ATG2B: variants seen among roughly 807,000 people sequenced by gnomAD.
ATG2B encodes autophagy related 2B.
In ATG2B, 121 loss-of-function variants were observed where a neutral mutation model predicts 241.3. The observed-to-expected ratio is 0.50, with a 90% CI of 0.43 to 0.58. The LOEUF (loss-of-function observed/expected upper bound fraction) is 0.58. Ranked by LOEUF, ATG2B falls within the 20% of genes least tolerant of loss-of-function variation. The probability of loss-of-function intolerance (pLI) is 0.00; values close to 1 mark genes in which losing one functional copy is unlikely to be tolerated. For synonymous variants in ATG2B, 858 were observed against 876.6 expected, an observed-to-expected ratio of 0.98 and a Z score of 0.37; for missense variants, 2,306 against 2,491.6, an observed-to-expected ratio of 0.93 and a Z score of 1.59.
At chr14:96,314,902 G>A (rs1887264758) in intron 23 of ATG2B, among the ~76,000 whole-genome samples, 2 of 152,192 alleles carry the variant, frequency 1.3e-5, no homozygotes, top group African/African-American at 4.8e-5. Flanking sequence ...GATTGACCAA[G>A]CTGGGCTCGA....
At position 96,345,235 on chromosome 14, in the gene ATG2B, G is replaced by C; in HGVS notation, c.476C>G (p.Thr159Arg). The C allele has an allele frequency of 6.2e-7, 1 of 1,609,334 alleles. No individual in the cohort carries two copies. The highest frequency in any genetic ancestry group is 2.2e-5 in the East Asian group (1 of 44,710). ...GLEKFAETIE[T>R]VLRRVKVTFI... ...GAAAATTCTCAGTAACACCAAACCT[G>C]TTTCAATGGTTTCAGCAAACTTTTC... Residue 159 changes from threonine (T) to arginine (R), a missense_variant and splice_region_variant, in exon 3 of 42, where the codon ACA (threonine) becomes AGA (arginine). Coordinates refer to ENST00000359933, the MANE Select transcript of ATG2B (RefSeq NM_018036.7).
chr14:96,340,630 G>C (rs572331340), intron 6 of ATG2B, among the ~76,000 whole-genome samples: 1 of 152,148 alleles, frequency 6.6e-6, no homozygotes, highest in South Asian at 2.1e-4. Flanking sequence ...AATAGTAAAG[G>C]GTCCTGGTGA....
chr14:96,340,185 G>A (rs529031800), intron 6 of ATG2B, among the ~76,000 whole-genome samples: 2 of 61,428 alleles, frequency 3.3e-5, no homozygotes, highest in South Asian at 5.3e-4. Flanking sequence ...TCACACACAC[G>A]TATATATATT....
rs1431893252 is a variant in ATG2B at position 96,313,116 on chromosome 14, G to A, written c.3791C>T (p.Thr1264Ile). The change falls in exon 25 of 42, where the codon ACA (threonine) becomes ATA (isoleucine). Residue 1264 changes from threonine to isoleucine, a missense_variant. Physicochemically the swap from Thr to Ile is moderately conservative, Grantham distance 89. Coordinates refer to ENST00000359933, the MANE Select transcript of ATG2B (RefSeq NM_018036.7). ...TGCAACGCTACTGGAAACACTGAATGTTTCCACGGTAAGAAGAGATCGGAT... is the reference window on the plus strand; with the variant it reads ...TGCAACGCTACTGGAAACACTGAATATTTCCACGGTAAGAAGAGATCGGAT... ...LPIRSLLTVE[T>I]FSVSSSVALD... The A allele has an allele frequency of 6.2e-6, 10 of 1,613,520 alleles. No individual in the cohort carries two copies. The highest frequency in any genetic ancestry group is 7.6e-6 in the Non-Finnish European group (9 of 1,179,750).
Position 96,322,520 on chromosome 14 carries a change from T to C in ATG2B, c.2736+20A>G, listed in dbSNP as rs1344888585. ...AGAGAATAATAGTATTATTCCTTTG[T>C]AGCTTGCTCACACTTTTACCTGTTC... On this transcript the variant is annotated intron_variant, in intron 17 of 41. Coordinates refer to ENST00000359933, the MANE Select transcript of ATG2B (RefSeq NM_018036.7). The C allele has an allele frequency of 5.6e-6, 9 of 1,594,838 alleles. No individual in the cohort carries two copies. Among genetic ancestry groups the C allele is most frequent in the Non-Finnish European group, 7.7e-6 (9 of 1,172,814 alleles).
chr14:96,309,345 A>G, intron 29 of ATG2B, 108 bp downstream of exon 29: 1 of 1,364,682 alleles, frequency 7.3e-7, no homozygotes. Flanking sequence ...GATATCCATA[A>G]AAACTCATAT....
Position 96,331,604 on chromosome 14 carries a change from G to T in ATG2B, c.1502C>A (p.Ser501Ter). The T allele has an allele frequency of 6.2e-7, 1 of 1,613,364 alleles. No individual in the cohort carries two copies. Among genetic ancestry groups the T allele is most frequent in the South Asian group, 1.1e-5 (1 of 90,902 alleles). The change falls in exon 11 of 42, where the codon TCA becomes TAA. Residue 501 changes from serine (S) to a stop codon, truncating the protein, a stop_gained. Coordinates refer to ENST00000359933, the MANE Select transcript of ATG2B (RefSeq NM_018036.7). LOFTEE classifies it high-confidence loss of function. ...TAGTCTAAAAATAAGTTCAGGCCTT[G>T]ATTCATCCACTGAAACAGATCTAGA... ...LPSRSVSVDE[S>*]RPELIFRLAV...
At chr14:96,287,359 C>T (rs1886367102) in intron 41 of ATG2B, among the ~76,000 whole-genome samples, 1 of 151,430 alleles carries the variant, frequency 6.6e-6, no homozygotes, top group Non-Finnish European at 1.5e-5. Flanking sequence ...ACCATGAGCA[C>T]AACAATGTTT....
intron 1 of ATG2B, among the ~76,000 whole-genome samples, chr14:96,359,130 G>C (rs1257911509): frequency 6.6e-6 from 1 of 152,124 alleles, no homozygotes; most frequent in African/African-American, 2.4e-5. Context: ...CCAGCACTTT[G>C]GGAGGCCGAC....
chr14:96,328,035 C>A (rs998199897), intron 14 of ATG2B, among the ~76,000 whole-genome samples: 1 of 152,156 alleles, frequency 6.6e-6, no homozygotes, highest in African/African-American at 2.4e-5. Flanking sequence ...CCAGGCTTGT[C>A]TCGAACTGGC....
intron 23 of ATG2B, among the ~76,000 whole-genome samples, chr14:96,314,091 A>C (rs1003610454): frequency 6.6e-6 from 1 of 152,206 alleles, no homozygotes; most frequent in Admixed American, 6.5e-5. Flanking sequence ...GGTTCTGCTA[A>C]ATGTCTCCCT....
At chr14:96,335,542 T>C (rs1887848028) in intron 6 of ATG2B, among the ~76,000 whole-genome samples, 1 of 152,114 alleles carries the variant, frequency 6.6e-6, no homozygotes, top group Non-Finnish European at 1.5e-5. Context: ...GGTGAAGAAA[T>C]GAGTTCACAA....
chr14:96,340,087 A>AAT (rs1362017978), intron 6 of ATG2B, among the ~76,000 whole-genome samples: 5 of 122,734 alleles, frequency 4.1e-5, no homozygotes, highest in African/African-American at 8.3e-5. Context: ...GATATATATG[A>AAT]ATATATGCTA....
At chr14:96,298,377 A>G (rs1886704190) in intron 34 of ATG2B, among the ~76,000 whole-genome samples, 1 of 152,216 alleles carries the variant, frequency 6.6e-6, no homozygotes, top group Non-Finnish European at 1.5e-5. Flanking sequence ...TTCTTAAGAG[A>G]GCTCAACATA....
rs745312901 is a variant in ATG2B, at chr14:96,363,018, G to T, written c.-42C>A. 6.2e-7 allele frequency: 1 copy of T among 1,609,628 alleles called. No homozygotes were observed. Among genetic ancestry groups the T allele is most frequent in the South Asian group, 1.1e-5 (1 of 90,672 alleles). The stretch of plus-strand genomic sequence containing the variant: ...TGGGCTGACTGCGGCTGCGGGTTGC[G>T]ACGGCTCCGGCCTCGGGGTAGCGAC... On this transcript the variant is annotated 5_prime_UTR_variant, in exon 1 of 42. Transcript: ENST00000359933.
intron 34 of ATG2B, among the ~76,000 whole-genome samples, chr14:96,300,107 G>C (rs1166352459): frequency 6.6e-6 from 1 of 151,886 alleles, no homozygotes; most frequent in South Asian, 2.1e-4. Flanking sequence ...TCTTCCTCAA[G>C]GTAGTCATAA....
At chr14:96,345,208 T>C (rs755856135) in intron 3 of ATG2B, 25 bp downstream of exon 3, 5 of 1,592,024 alleles carry the variant, frequency 3.1e-6, no homozygotes, top group Non-Finnish European at 4.3e-6. Flanking sequence ...ATCTAAATTT[T>C]TGAAAATTCT....
At chr14:96,353,426 A>G (rs1241826613) in intron 1 of ATG2B, among the ~76,000 whole-genome samples, 1 of 152,048 alleles carries the variant, frequency 6.6e-6, no homozygotes, top group Non-Finnish European at 1.5e-5. Context: ...GGAGTTCAAG[A>G]CCAGCCTAGG....
intron 28 of ATG2B, among the ~76,000 whole-genome samples, chr14:96,309,872 C>T (rs1168674703): frequency 1.3e-5 from 2 of 152,116 alleles, no homozygotes; most frequent in African/African-American, 4.8e-5. Flanking sequence ...GGAAGTTGAA[C>T]AAACTGCAAT....
Sources: allele counts gnomAD v4.1 joint callset (sites outside exome capture counted in the v4.1 genomes callset), GRCh38; gene constraint gnomAD v4.1.1; transcripts MANE v1.5; gene names NCBI Gene and HGNC (gene_info 2026-07-23, HGNC 2026-07-21).